The following MIPEP variants were observed in gnomAD, a reference collection of about 807,000 sequenced individuals.
MIPEP encodes the protein mitochondrial intermediate peptidase.
Under a neutral mutation model 90.3 loss-of-function variants are expected in MIPEP, and 79 were observed. The ratio of observed to expected loss-of-function variants is 0.87; its 90% CI spans 0.73 to 1.05. The LOEUF is 1.05. MIPEP is among the 50% of genes least tolerant of loss of function. The probability of loss-of-function intolerance (pLI) is 0.00; values close to 1 mark genes in which losing one functional copy is unlikely to be tolerated. For synonymous variants in MIPEP, 334 were observed against 315.8 expected (o/e 1.06, Z -0.61); for missense variants, 940 against 905.6 (o/e 1.04, Z -0.49).
chr13:23,865,251 T>C (rs1013363319), intron 7 of MIPEP, among the ~76,000 whole-genome samples: 2 of 152,236 alleles, frequency 1.3e-5, no homozygotes, highest in Non-Finnish European at 2.9e-5. Flanking sequence ...ACAAACACTA[T>C]GTTTGTATTT....
chr13:23,786,796 C>T (rs1952846066), intron 16 of MIPEP, among the ~76,000 whole-genome samples: 1 of 152,148 alleles, frequency 6.6e-6, no homozygotes, highest in Non-Finnish European at 1.5e-5. Flanking sequence ...CACAACTTTG[C>T]AACGTGTCTG....
intron 15 of MIPEP, among the ~76,000 whole-genome samples, chr13:23,806,720 C>T (rs1446811856): frequency 2.9e-5 from 3 of 104,768 alleles, no homozygotes; most frequent in African/African-American, 1.4e-4. Context: ...AAATCTATAT[C>T]TATCTATCTA....
chr13:23,855,557 T>A (rs1428470882), intron 10 of MIPEP, among the ~76,000 whole-genome samples: 1 of 152,224 alleles, frequency 6.6e-6, no homozygotes, highest in Non-Finnish European at 1.5e-5. Context: ...TTTAGAAATC[T>A]TCACTTTGTT....
In MIPEP at chr13:23,838,041, A is replaced by G. The variant is rs17079410; in HGVS notation, c.1339-285T>C. On this transcript the variant is annotated intron_variant, in intron 12 of 18. Coordinates refer to ENST00000382172, the MANE Select transcript of MIPEP (RefSeq NM_005932.4). ...AAATGATGCTGTGCCAGAAGCTGGA[A>G]ACAAAGTCAGCAAAGAACTTACGAA... Among the ~76,000 whole-genome samples, 3,961 of 152,322 alleles carry G rather than the reference A, an allele frequency of 0.026. 409 individuals carry two copies. In the East Asian group the frequency reaches 0.35, roughly 13 times the overall value.
chr13:23,751,475 GT>G (rs1423977921), intron 18 of MIPEP, among the ~76,000 whole-genome samples: 1 of 152,176 alleles, frequency 6.6e-6, no homozygotes, highest in Non-Finnish European at 1.5e-5. Context: ...CTGATCTGAT[GT>G]TTGGTCCATT....
At chr13:23,859,624 T>C (rs1487261136) in intron 9 of MIPEP, among the ~76,000 whole-genome samples, 1 of 152,158 alleles carries the variant, frequency 6.6e-6, no homozygotes, top group Admixed American at 6.5e-5. Flanking sequence ...GGGACTTTGT[T>C]TGCATCCTTC....
At chr13:23,738,070 A>AT (rs1952284325) in intron 18 of MIPEP, among the ~76,000 whole-genome samples, 1 of 152,224 alleles carries the variant, frequency 6.6e-6, no homozygotes, top group African/African-American at 2.4e-5. Context: ...TTAATTGAAT[A>AT]TTTGTAAGAG....
intron 4 of MIPEP, among the ~76,000 whole-genome samples, chr13:23,878,213 C>T (rs1161922653): frequency 6.6e-6 from 1 of 152,174 alleles, no homozygotes; most frequent in African/African-American, 2.4e-5. Flanking sequence ...CCTTGCTTTG[C>T]TAATGAAAGC....
At chr13:23,773,333 G>T (rs1004119494) in intron 16 of MIPEP, among the ~76,000 whole-genome samples, 1 of 152,188 alleles carries the variant, frequency 6.6e-6, no homozygotes, top group African/African-American at 2.4e-5. Flanking sequence ...TTTCCATTGA[G>T]TGGATACAAG....
At chr13:23,764,900 T>C (rs34840119) in intron 16 of MIPEP, among the ~76,000 whole-genome samples, 30,402 of 152,198 alleles carry the variant, frequency 0.2, 3,642 homozygotes, top group East Asian at 0.43. Flanking sequence ...TGTCCAGCTA[T>C]AAATGTAGAA....
At chr13:23,843,181 A>G (rs1396387737) in intron 10 of MIPEP, among the ~76,000 whole-genome samples, 1 of 152,070 alleles carries the variant, frequency 6.6e-6, no homozygotes, top group Non-Finnish European at 1.5e-5. Context: ...CATAATAGGA[A>G]TTCTAGGCAG....
At chr13:23,771,054 T>C (rs765828802) in intron 16 of MIPEP, among the ~76,000 whole-genome samples, 3 of 152,116 alleles carry the variant, frequency 2.0e-5, no homozygotes, top group Non-Finnish European at 4.4e-5. Context: ...GCACAGTCAC[T>C]GGGGGGTGCA....
rs374711521 is a variant in MIPEP at position 23,879,317 on chromosome 13, T to G, written c.490A>C (p.Lys164Gln). The G allele has an allele frequency of 8.1e-6, 13 of 1,602,864 alleles. No individual in the cohort carries two copies. The highest frequency in any genetic ancestry group is 1.0e-5 in the Non-Finnish European group (12 of 1,170,602). Residue 164 changes from lysine (K) to glutamine (Q), a missense_variant, in exon 4 of 19, where the codon AAA becomes CAA. Transcript: ENST00000382172. ...ACAAGTTTTTTATCAGCTAGTAATT[T>G]TTGCAAACTTTGATATAAATCCACA... ...TNVDLYQSLQKLLADKKLVDS... is the reference protein window; with the variant it reads ...TNVDLYQSLQQLLADKKLVDS...
chr13:23,800,694 G>A (rs1202456039), intron 16 of MIPEP, among the ~76,000 whole-genome samples: 1 of 152,158 alleles, frequency 6.6e-6, no homozygotes, highest in Non-Finnish European at 1.5e-5. Context: ...TATTTAATAT[G>A]GAATATCTGT....
At chr13:23,847,384 G>C (rs1869591592) in intron 10 of MIPEP, among the ~76,000 whole-genome samples, 1 of 149,856 alleles carries the variant, frequency 6.7e-6, no homozygotes, top group Non-Finnish European at 1.5e-5. Context: ...CTGAGGGTAT[G>C]TGTTGAAGAA....
intron 14 of MIPEP, among the ~76,000 whole-genome samples, chr13:23,816,920 G>A (rs1953246660): frequency 6.6e-6 from 1 of 152,188 alleles, no homozygotes; most frequent in Non-Finnish European, 1.5e-5. Flanking sequence ...ATTCGCTAAA[G>A]TGTTACTGAT....
In MIPEP at chr13:23,791,329, C is replaced by T. The variant is rs185772003; in HGVS notation, c.1848+14621G>A. ...GCACTAACCCCACTTGGGCCCTTAA[C>T]GTGGCCTGCAATCATAACTCACATC... On this transcript the variant is annotated intron_variant, in intron 16 of 18. Transcript: ENST00000382172. 4.4e-4 allele frequency among the ~76,000 whole-genome samples: 67 copies of T among 152,308 alleles called. 1 individual carries two copies. Among genetic ancestry groups the T allele is most frequent in the Admixed American group, 3.7e-3 (56 of 15,302 alleles).
intron 15 of MIPEP, among the ~76,000 whole-genome samples, chr13:23,808,265 A>AT (rs1448853563): frequency 6.6e-6 from 1 of 151,634 alleles, no homozygotes; most frequent in East Asian, 1.9e-4. Context: ...CGCCTGGCTA[A>AT]TTTTTTTGTA....
At chr13:23,827,436 T>C (rs1868520079) in intron 14 of MIPEP, among the ~76,000 whole-genome samples, 1 of 152,110 alleles carries the variant, frequency 6.6e-6, no homozygotes, top group African/African-American at 2.4e-5. Flanking sequence ...ATTTAAAAAA[T>C]CTTCCCACAG....
Sources: allele counts gnomAD v4.1 joint callset (sites outside exome capture counted in the v4.1 genomes callset), GRCh38; gene constraint gnomAD v4.1.1; transcripts MANE v1.5; gene names NCBI Gene and HGNC (gene_info 2026-07-23, HGNC 2026-07-21).